The following TRIM6 variants were observed in gnomAD, a reference collection of about 807,000 sequenced individuals.
The protein encoded by TRIM6 is tripartite motif containing 6.
TRIM6 carries 43 observed loss-of-function variants against 51.2 expected under a neutral mutation model. The observed-to-expected ratio is 0.84, with a 90% CI of 0.66 to 1.08. The LOEUF (loss-of-function observed/expected upper bound fraction) is 1.08. Ranked by LOEUF, TRIM6 falls within the 50% of genes least tolerant of loss-of-function variation. TRIM6 has a pLI of 0.00. For missense variants in TRIM6, 669 were observed against 619.0 expected, an observed-to-expected ratio of 1.08 and a Z score of -0.86; for synonymous variants, 215 against 232.4, an observed-to-expected ratio of 0.93 and a Z score of 0.68.
At chr11:5,599,940 G>A (rs1054052344) in intron 1 of TRIM6, among the ~76,000 whole-genome samples, 2 of 152,032 alleles carry the variant, frequency 1.3e-5, no homozygotes, top group African/African-American at 4.8e-5. Flanking sequence ...AAAGGCAATA[G>A]AGCCTTATAG....
At chr11:5,597,023 T>A in intron 1 of TRIM6, 109 bp downstream of exon 1, 1 of 1,559,242 alleles carries the variant, frequency 6.4e-7, no homozygotes, top group Non-Finnish European at 8.7e-7. Flanking sequence ...ATATCTTTAT[T>A]TCTTTTTCTT....
intron 3 of TRIM6, chr11:5,604,922 C>T (rs1239934248): frequency 4.6e-6 from 2 of 435,888 alleles, no homozygotes. Context: ...TTTGGCTTTT[C>T]CCTTGCATTC....
chr11:5,603,134 G>C, intron 1 of TRIM6, 112 bp from the exon 2 acceptor site: 1 of 1,495,114 alleles, frequency 6.7e-7, no homozygotes, highest in East Asian at 2.3e-5. Context: ...AGAATGAGAA[G>C]CCCTTGTTAC....
In TRIM6 at chr11:5,605,487, G is replaced by C; in HGVS notation, c.754G>C (p.Val252Leu). ...TATAGAAGAGGCTGAGAATGATCTG[G>C]TCCACCAGACCCAGTCGCTGCGAGA... ...RIIEEAENDL[V>L]HQTQSLRELI... The change falls in exon 4 of 8, where the codon GTC (valine) becomes CTC (leucine). Residue 252 changes from valine to leucine, a missense_variant. Physicochemically the swap from Val to Leu is conservative, Grantham distance 32 (BLOSUM62 1). Transcript: ENST00000380097. 6.2e-7 allele frequency: 1 copy of C among 1,614,202 alleles called. No homozygotes were observed. Among genetic ancestry groups the C allele is most frequent in the Non-Finnish European group, 8.5e-7 (1 of 1,180,042 alleles).
rs771093773 is a variant in TRIM6, at chr11:5,596,906, G to A, written c.9G>A (p.Gly3=). ...GGCTTCTCATTCCCCAGATGTGCGGGTCAGAGAGGTATGTCTACCGTTCTG... is the reference window on the plus strand; with the variant it reads ...GGCTTCTCATTCCCCAGATGTGCGGATCAGAGAGGTATGTCTACCGTTCTG... The part of the protein sequence containing the change: MC[G]SERILQAGNI... The change falls in exon 1 of 8, where the codon GGG becomes GGA. Residue 3 remains glycine, a synonymous_variant. Coordinates refer to ENST00000380097, the MANE Select transcript of TRIM6 (RefSeq NM_001003818.3). 6.2e-7 allele frequency: 1 copy of A among 1,614,048 alleles called. No homozygotes were observed. The highest frequency in any genetic ancestry group is 1.3e-5 in the African/African-American group (1 of 75,014).
intron 1 of TRIM6, among the ~76,000 whole-genome samples, chr11:5,602,315 C>T (rs1315591527): frequency 2.0e-5 from 3 of 152,070 alleles, no homozygotes; most frequent in Non-Finnish European, 4.4e-5. Flanking sequence ...TAGTGGCAGG[C>T]ACCTGTAATC....
chr11:5,608,461 T>A, intron 5 of TRIM6, 67 bp downstream of exon 5: 3 of 1,599,494 alleles, frequency 1.9e-6, no homozygotes, highest in Non-Finnish European at 2.6e-6. Context: ...CCATGATCAG[T>A]GGGAAAGGGA....
chr11:5,608,278 G>T, intron 4 of TRIM6, 94 bp from the exon 5 acceptor site: 1 of 1,553,736 alleles, frequency 6.4e-7, no homozygotes, highest in Non-Finnish European at 8.7e-7. Context: ...ATCTTTATTT[G>T]TATCATATCA....
At chr11:5,610,653 GA>G (rs1254923789) in intron 7 of TRIM6, 92 bp downstream of exon 7, 30 of 1,569,696 alleles carry the variant, frequency 1.9e-5, no homozygotes, top group Non-Finnish European at 2.3e-5. Flanking sequence ...CCTAGGTGTT[GA>G]TGCCTCCCCC....
rs1847494258 is a variant in TRIM6, at chr11:5,596,820, G to GTGCCT, written c.-75_-71dup. On this transcript the variant is annotated 5_prime_UTR_variant, in exon 1 of 8. Transcript: ENST00000380097. Reference sequence around the variant, plus strand: ...CTCTGTTCCTTAAGATTAGTTTAAGGTGCCTTGGATTGCTCTGAAGAGCTT... The same window carrying GTGCCT: ...CTCTGTTCCTTAAGATTAGTTTAAGGTGCCTTGCCTTGGATTGCTCTGAAGAGCTT... The GTGCCT allele has an allele frequency of 6.2e-7, 1 of 1,611,166 alleles. No individual in the cohort carries two copies.
intron 3 of TRIM6, chr11:5,605,089 C>T (rs1002875646): frequency 5.5e-6 from 3 of 546,706 alleles, no homozygotes; most frequent in Admixed American, 3.1e-5. Flanking sequence ...CTAAACGTCA[C>T]CCAGGAATCA....
chr11:5,605,841 ATGT>A (rs1315764185), intron 4 of TRIM6, among the ~76,000 whole-genome samples: 5 of 152,162 alleles, frequency 3.3e-5, no homozygotes, highest in African/African-American at 1.2e-4. Flanking sequence ...GTATCCAGTG[ATGT>A]TGTTCTTTCT....
At position 5,608,263 on chromosome 11, in the gene TRIM6, G is replaced by C. The variant is rs543889197; in HGVS notation, c.835-109G>C. 1.9e-5 allele frequency: 29 copies of C among 1,512,004 alleles called. No homozygotes were observed. In the South Asian group the frequency reaches 3.6e-4, roughly 19 times the overall value. 93.7% of individuals were successfully genotyped at this position (1,512,004 alleles called of 1,614,324 possible). On this transcript the variant is annotated intron_variant, in intron 4 of 7. Transcript: ENST00000380097. ...TCTCTACTTTGTGGCCTCCACATTA[G>C]GATTATCTTTATTTGTATCATATCA...
intron 1 of TRIM6, among the ~76,000 whole-genome samples, chr11:5,601,962 A>G (rs1847884497): frequency 6.6e-6 from 1 of 152,130 alleles, no homozygotes; most frequent in East Asian, 1.9e-4. Context: ...TGGAAAGGTC[A>G]CAGATGATCA....
chr11:5,604,514 C>T lies in TRIM6; in HGVS notation c.508-20C>T, dbSNP rs754580339. Reference sequence around the variant, plus strand: ...CAACTGAAGGCTTGATCCTGCTTGACCTGATTTGTTTTCTTCAAGGAGAAG... The same window carrying T: ...CAACTGAAGGCTTGATCCTGCTTGATCTGATTTGTTTTCTTCAAGGAGAAG... On this transcript the variant is annotated intron_variant, in intron 2 of 7. Transcript: ENST00000380097. 1 of 1,605,202 alleles carries T rather than the reference C, an allele frequency of 6.2e-7. No individual in the cohort carries two copies. The highest frequency in any genetic ancestry group is 8.5e-7 in the Non-Finnish European group (1 of 1,176,194).
Position 5,611,550 on chromosome 11 carries a change from T to A in TRIM6, c.*208T>A. ...CTCACTGCAACCTCTGCCTCCTGGG[T>A]TCAAGCGAACCTCCTGCCTCAGCAT... On this transcript the variant is annotated 3_prime_UTR_variant, in exon 8 of 8. Transcript: ENST00000380097. 2.0e-6 allele frequency: 1 copy of A among 506,230 alleles called. No homozygotes were observed. The highest frequency in any genetic ancestry group is 2.9e-5 in the South Asian group (1 of 35,018). The allele number at this position is 506,230 out of a possible 1,614,324, so 31.4% of individuals were successfully genotyped here. A position where few individuals can be genotyped will look rare whatever the true frequency, so the allele number is the denominator to read the frequency against.
At chr11:5,598,954 T>C (rs1335538862) in intron 1 of TRIM6, among the ~76,000 whole-genome samples, 1 of 152,180 alleles carries the variant, frequency 6.6e-6, no homozygotes, top group Non-Finnish European at 1.5e-5. Context: ...CTTATGCCCT[T>C]TGCAGTTCAA....
Position 5,596,897 on chromosome 11 carries a change from G to A in TRIM6, c.-1G>A, listed in dbSNP as rs1847498860. ...GAACTTCTTGGCTTCTCATTCCCCAGATGTGCGGGTCAGAGAGGTATGTCT... is the reference window on the plus strand; with the variant it reads ...GAACTTCTTGGCTTCTCATTCCCCAAATGTGCGGGTCAGAGAGGTATGTCT... On this transcript the variant is annotated 5_prime_UTR_variant, in exon 1 of 8. Transcript: ENST00000380097. The A allele has an allele frequency of 6.2e-7, 1 of 1,614,086 alleles. No individual in the cohort carries two copies.
chr11:5,603,818 C>G (rs1590095193), intron 2 of TRIM6, 83 bp downstream of exon 2: 5 of 1,510,764 alleles, frequency 3.3e-6, no homozygotes, highest in Non-Finnish European at 4.4e-6. Flanking sequence ...GATCTAATCT[C>G]TTTGTAGTCT....
Sources: allele counts gnomAD v4.1 joint callset (sites outside exome capture counted in the v4.1 genomes callset), GRCh38; gene constraint gnomAD v4.1.1; transcripts MANE v1.5; gene names NCBI Gene and HGNC (gene_info 2026-07-23, HGNC 2026-07-21).